ASMTL: variants seen among roughly 807,000 people sequenced by gnomAD.
ASMTL encodes the protein acetylserotonin O-methyltransferase like.
A neutral mutation model predicts 60.3 loss-of-function variants in ASMTL; 57 were observed. The ratio of observed to expected loss-of-function variants is 0.95; its 90% CI spans 0.76 to 1.18. The LOEUF (loss-of-function observed/expected upper bound fraction) is 1.18. ASMTL is among the 50% of genes most tolerant of loss of function. The pLI is 0.00. For synonymous variants in ASMTL, 419 were observed against 373.0 expected, an observed-to-expected ratio of 1.12 and a Z score of -1.42; for missense variants, 981 against 852.6, an observed-to-expected ratio of 1.15 and a Z score of -1.88.
At position 1,403,320 on chromosome X, in the gene ASMTL, C is replaced by T. The variant is rs201552097; in HGVS notation, c.1815G>A (p.Val605=). 1,174 of 1,613,262 alleles carry T rather than the reference C, an allele frequency of 7.3e-4. 6 individuals carry two copies. The highest frequency in any genetic ancestry group is 2.0e-4 in the Non-Finnish European group (241 of 1,179,860). The change falls in exon 13 of 13, where the codon GTG becomes GTA. Residue 605 remains valine, a synonymous_variant. Transcript: ENST00000381317. ...ELHGFHQVQV[V]HLGGVLDAIL... is the part of the protein sequence containing the mutation. ...TGGCATCCAGGACACCCCCCAAGTG[C>T]ACCACCTGCACCTGGTGGAAGCCGT...
chrX:1,403,385 C>G lies in ASMTL; in HGVS notation c.1750G>C (p.Glu584Gln), dbSNP rs756502646. ...CACTGATACTCGCCCAGGCTCCGCT[C>G]CTTGCCTTCAGTCTGCACCAGCATG... ...LNMLVQTEGK[E>Q]RSLGEYQCLL... is the part of the protein sequence containing the mutation. The change falls in exon 13 of 13, where the codon GAG (glutamate) becomes CAG (glutamine). Residue 584 changes from glutamate to glutamine, a missense_variant. Glu to Gln is a conservative substitution (Grantham distance 29). Coordinates refer to ENST00000381317, the MANE Select transcript of ASMTL (RefSeq NM_004192.4). 1 of 1,613,508 alleles carries G rather than the reference C, an allele frequency of 6.2e-7. No homozygotes were observed. Among genetic ancestry groups the G allele is most frequent in the South Asian group, 1.1e-5 (1 of 91,082 alleles).
rs191484269 is a variant in ASMTL, at chrX:1,408,020, C to G, written c.1646-4531G>C. Among the ~76,000 whole-genome samples, 180 of 146,160 alleles carry G rather than the reference C, an allele frequency of 1.2e-3. 1 individual carries two copies. Among genetic ancestry groups the G allele is most frequent in the African/African-American group, 4.3e-3 (171 of 39,366 alleles). On this transcript the variant is annotated intron_variant, in intron 12 of 12. Coordinates refer to ENST00000381317, the MANE Select transcript of ASMTL (RefSeq NM_004192.4). The stretch of plus-strand genomic sequence containing the variant: ...AGGAAGGGTAGCCTGGGCAACATCG[C>G]AAGATCCCATCTCTACAAAATTTAA...
chrX:1,451,810 C>G (rs1199370719), intron 1 of ASMTL, among the ~76,000 whole-genome samples: 1 of 147,302 alleles, frequency 6.8e-6, no homozygotes, highest in Non-Finnish European at 1.5e-5. Flanking sequence ...TCCCCATCCC[C>G]ATGCCTGGGG....
At chrX:1,425,759 G>A (rs2090598512) in intron 7 of ASMTL, 72 bp from the exon 8 acceptor site, 1 of 1,505,812 alleles carries the variant, frequency 6.6e-7, no homozygotes, top group Non-Finnish European at 9.1e-7. Flanking sequence ...AGACTCAAAA[G>A]ATGGAGGCCA....
At chrX:1,413,242 A>G (rs2090105167) in intron 11 of ASMTL, 1 of 192,276 alleles carries the variant, frequency 5.2e-6, no homozygotes, top group African/African-American at 2.3e-5. Flanking sequence ...GGCGCCTGTC[A>G]TCCCAGCTAC....
intron 9 of ASMTL, 116 bp from the exon 10 acceptor site, chrX:1,419,230 C>T (rs1377672618): frequency 1.6e-5 from 20 of 1,223,204 alleles, no homozygotes; most frequent in African/African-American, 3.0e-5. Flanking sequence ...GGCTCAGCCG[C>T]GCCTGGGCTG....
intron 7 of ASMTL, among the ~76,000 whole-genome samples, chrX:1,426,633 A>T (rs2090619890): frequency 6.6e-6 from 1 of 152,150 alleles, no homozygotes; most frequent in Non-Finnish European, 1.5e-5. Context: ...CGGGTGGATC[A>T]GCTGAGGTCA....
At chrX:1,433,556 C>A (rs1480631864) in intron 5 of ASMTL, among the ~76,000 whole-genome samples, 2 of 148,332 alleles carry the variant, frequency 1.3e-5, no homozygotes, top group Non-Finnish European at 3.0e-5. Flanking sequence ...GTGGCGGGCC[C>A]GTCGTCCCAG....
intron 3 of ASMTL, among the ~76,000 whole-genome samples, chrX:1,436,311 A>T (rs28502464): frequency 1.3e-5 from 2 of 149,224 alleles, no homozygotes; most frequent in Non-Finnish European, 1.5e-5. Context: ...GTTGCTGGGA[A>T]TACAGGTGCA....
chrX:1,427,790 G>A lies in ASMTL; in HGVS notation c.841C>T (p.Leu281=). ...AGGAGGCGTGTCGGGAACGGAGGCA[G>A]GGTCTCCCGAGTCCTGTGACACTCA... ...EAECHRTRET[L]PPFPTRLLEL... The change falls in exon 7 of 13, where the codon CTG becomes TTG. Residue 281 remains leucine (L), a synonymous_variant. Coordinates refer to ENST00000381317, the MANE Select transcript of ASMTL (RefSeq NM_004192.4). 2 of 1,613,010 alleles carry A rather than the reference G, an allele frequency of 1.2e-6. No individual in the cohort carries two copies. Among genetic ancestry groups the A allele is most frequent in the Non-Finnish European group, 1.7e-6 (2 of 1,179,764 alleles).
At chrX:1,430,237 T>C (rs557706085) in intron 6 of ASMTL, among the ~76,000 whole-genome samples, 6 of 152,168 alleles carry the variant, frequency 3.9e-5, no homozygotes, top group African/African-American at 1.2e-4. Flanking sequence ...GTCTTGAACT[T>C]CTGACCTCAG....
intron 5 of ASMTL, among the ~76,000 whole-genome samples, chrX:1,434,357 G>C (rs1368888001): frequency 2.6e-5 from 4 of 151,920 alleles, no homozygotes; most frequent in Non-Finnish European, 5.9e-5. Flanking sequence ...AGGTGTGGTG[G>C]CGTGTGCCTG....
chrX:1,417,965 G>C lies in ASMTL; in HGVS notation c.1522+8C>G. On this transcript the variant is annotated splice_region_variant and intron_variant, in intron 11 of 12. Coordinates refer to ENST00000381317, the MANE Select transcript of ASMTL (RefSeq NM_004192.4). Reference sequence around the variant, plus strand: ...AAGGTTAGCAGGGTGAACAGGAGGAGGGCTCACCTGCTGCGAAGTGGATCT... The same window carrying C: ...AAGGTTAGCAGGGTGAACAGGAGGACGGCTCACCTGCTGCGAAGTGGATCT... 1 of 1,603,692 alleles carries C rather than the reference G, an allele frequency of 6.2e-7. No individual in the cohort carries two copies. The highest frequency in any genetic ancestry group is 8.5e-7 in the Non-Finnish European group (1 of 1,173,210).
rs780382071 is a variant in ASMTL at position 1,432,279 on chromosome X, C to G, written c.499G>C (p.Gly167Arg). 6.2e-7 allele frequency: 1 copy of G among 1,612,022 alleles called. No individual in the cohort carries two copies. ...GCCCCCGAGACTCACATGGGCTCCC[C>G]GCTGTGGACGTATTCCCAGAGCAGC... ...EELLWEYVHS[G>R]EPMDKAGGYG... The change falls in exon 6 of 13, where the codon GGG becomes CGG. Residue 167 changes from glycine (G) to arginine (R), a missense_variant. Transcript: ENST00000381317.
At chrX:1,425,732 G>T in intron 7 of ASMTL, 45 bp from the exon 8 acceptor site, 1 of 1,588,468 alleles carries the variant, frequency 6.3e-7, no homozygotes, top group Non-Finnish European at 8.6e-7. Context: ...CCCTTGTCCA[G>T]TACTTTCTAC....
At chrX:1,412,090 G>C (rs773012256) in intron 12 of ASMTL, among the ~76,000 whole-genome samples, 1 of 151,678 alleles carries the variant, frequency 6.6e-6, no homozygotes, top group East Asian at 2.0e-4. Flanking sequence ...GTGCGGGGAT[G>C]ACAGGCGTGA....
At position 1,427,836 on chromosome X, in the gene ASMTL, C is replaced by G; in HGVS notation, c.795G>C (p.Ala265=). 1 of 1,613,176 alleles carries G rather than the reference C, an allele frequency of 6.2e-7. No individual in the cohort carries two copies. Among genetic ancestry groups the G allele is most frequent in the Non-Finnish European group, 8.5e-7 (1 of 1,179,840 alleles). The change falls in exon 7 of 13, where the codon GCG becomes GCC. Residue 265 remains alanine (A), a synonymous_variant. Coordinates refer to ENST00000381317, the MANE Select transcript of ASMTL (RefSeq NM_004192.4). ...SRDEKAEAGE[A]GQATAEAECH... ...ACTCAGCCTCTGCCGTGGCCTGTCC[C>G]GCCTCTCCCGCCTCGGCCTTCTCAT...
chrX:1,453,091 C>T (rs1168651580), upstream of ASMTL, among the ~76,000 whole-genome samples: 4 of 131,734 alleles, frequency 3.0e-5, no homozygotes, highest in Admixed American at 1.4e-4. Flanking sequence ...CTCCACCAGG[C>T]CACGCCCATG....
At position 1,452,738 on chromosome X, in the gene ASMTL, C is replaced by T; in HGVS notation, c.93+10G>A. 7 of 1,583,500 alleles carry T rather than the reference C, an allele frequency of 4.4e-6. No homozygotes were observed. Among genetic ancestry groups the T allele is most frequent in the Non-Finnish European group, 6.0e-6 (7 of 1,171,708 alleles). ...CCCGGTCCCCTGCCCCGCCCAGGCC[C>T]AGGCCGTACCGCGTTGCTGAGGATC... On this transcript the variant is annotated intron_variant, in intron 1 of 12. Coordinates refer to ENST00000381317, the MANE Select transcript of ASMTL (RefSeq NM_004192.4).
Sources: allele counts gnomAD v4.1 joint callset (sites outside exome capture counted in the v4.1 genomes callset), GRCh38; gene constraint gnomAD v4.1.1; transcripts MANE v1.5; gene names NCBI Gene and HGNC (gene_info 2026-07-23, HGNC 2026-07-21).